Variants in DZIP1L observed in about 807,000 individuals in gnomAD.
DZIP1L encodes DAZ interacting zinc finger protein 1 like.
DZIP1L carries 90 observed loss-of-function variants against 88.7 expected under a neutral mutation model. That is an observed-to-expected ratio of 1.02 (90% CI 0.86 to 1.21). DZIP1L has a LOEUF of 1.21. Among genes scored for constraint, DZIP1L ranks in the 50% most tolerant of loss-of-function variants. DZIP1L has a pLI of 0.00. For synonymous variants in DZIP1L, 363 were observed against 372.1 expected (o/e 0.98, Z 0.28); for missense variants, 932 against 955.8 (o/e 0.98, Z 0.33).
At chr3:138,090,636 G>C (rs1198672925) in intron 5 of DZIP1L, among the ~76,000 whole-genome samples, 1 of 152,036 alleles carries the variant, frequency 6.6e-6, no homozygotes, top group Non-Finnish European at 1.5e-5. Flanking sequence ...TTCCATCTCA[G>C]ACAGGGATGA....
chr3:138,069,128 G>A lies in DZIP1L; in HGVS notation c.1616-761C>T, dbSNP rs1238992031. 13 of 719,174 alleles carry A rather than the reference G, an allele frequency of 1.8e-5. No homozygotes were observed. The East Asian group carries it at 2.8e-4, about 16-fold the overall frequency. 44.5% of individuals were successfully genotyped at this position (719,174 alleles called of 1,614,324 possible). Reference sequence around the variant, plus strand: ...TTCCGACTCTGCCACCCGTGAGACAGCAAGAGCAACCCCTCCTCTTCCTCC... The same window carrying A: ...TTCCGACTCTGCCACCCGTGAGACAACAAGAGCAACCCCTCCTCTTCCTCC... On this transcript the variant is annotated intron_variant, in intron 12 of 15. Transcript: ENST00000327532.
chr3:138,097,089 G>A (rs1161828201), intron 3 of DZIP1L, among the ~76,000 whole-genome samples: 2 of 151,982 alleles, frequency 1.3e-5, no homozygotes, highest in Non-Finnish European at 2.9e-5. Flanking sequence ...GCTGAGGTAC[G>A]GGGATTGCTT....
Position 138,062,749 on chromosome 3 carries a change from C to A in DZIP1L, c.*67G>T. 1 of 1,569,696 alleles carries A rather than the reference C, an allele frequency of 6.4e-7. No individual in the cohort carries two copies. Among genetic ancestry groups the A allele is most frequent in the Admixed American group, 1.7e-5 (1 of 57,654 alleles). ...AAGACAAGAGGCCCAGCAGCCTCTT[C>A]TGTTGAAGTGGACCTGAGCTGGCCC... On this transcript the variant is annotated 3_prime_UTR_variant, in exon 16 of 16. Coordinates refer to ENST00000327532, the MANE Select transcript of DZIP1L (RefSeq NM_173543.3).
At chr3:138,111,056 C>G (rs2042611352) in intron 1 of DZIP1L, among the ~76,000 whole-genome samples, 1 of 152,220 alleles carries the variant, frequency 6.6e-6, no homozygotes, top group Admixed American at 6.5e-5. Context: ...ATGCTTCTGT[C>G]TCCTTCCTCC....
At chr3:138,072,284 C>T (rs1474906161) in intron 11 of DZIP1L, among the ~76,000 whole-genome samples, 1 of 152,174 alleles carries the variant, frequency 6.6e-6, no homozygotes, top group Non-Finnish European at 1.5e-5. Flanking sequence ...AGTACCCTTT[C>T]AAGACCTATT....
intron 1 of DZIP1L, among the ~76,000 whole-genome samples, chr3:138,110,980 G>A (rs771736345): frequency 2.4e-4 from 36 of 152,276 alleles, no homozygotes; most frequent in Non-Finnish European, 4.4e-5. Flanking sequence ...CCCACAGAGC[G>A]GCAAGTGCCA....
chr3:138,062,852 T>C lies in DZIP1L; in HGVS notation c.2268A>G (p.Pro756=), dbSNP rs749471736. Residue 756 remains proline (P), a synonymous_variant, in exon 16 of 16, where the codon CCA becomes CCG. Transcript: ENST00000327532. ...SKLPEKFGTG[P]QSSGQPRVPA... ...GGACCCTGGGTTGGCCAGAGCTCTGTGGACCAGTGCCAAACTTCTCTGGGA... is the reference window on the plus strand; with the variant it reads ...GGACCCTGGGTTGGCCAGAGCTCTGCGGACCAGTGCCAAACTTCTCTGGGA... 15 of 1,614,046 alleles carry C rather than the reference T, an allele frequency of 9.3e-6. No individual in the cohort carries two copies. The Admixed American group carries it at 1.2e-4, about 13-fold the overall frequency.
intron 1 of DZIP1L, among the ~76,000 whole-genome samples, chr3:138,113,162 A>G (rs563055953): frequency 6.3e-4 from 96 of 152,304 alleles, no homozygotes; most frequent in South Asian, 2.9e-3. Context: ...CATCTAGAAT[A>G]TAGAAAACCC....
At chr3:138,068,934 G>A (rs1428977945) in intron 12 of DZIP1L, 13 of 1,248,710 alleles carry the variant, frequency 1.0e-5, no homozygotes, top group Non-Finnish European at 1.3e-5. Flanking sequence ...AGTTTTTATG[G>A]GAAGAGAAGA....
At chr3:138,106,884 G>A (rs1252612167) in intron 1 of DZIP1L, among the ~76,000 whole-genome samples, 1 of 150,036 alleles carries the variant, frequency 6.7e-6, no homozygotes, top group Non-Finnish European at 1.5e-5. Flanking sequence ...GAGAGAGAGA[G>A]AAAGAGAGAG....
intron 1 of DZIP1L, chr3:138,108,320 C>T: frequency 3.0e-6 from 2 of 665,536 alleles, no homozygotes; most frequent in South Asian, 6.7e-5. Flanking sequence ...ACACCTGCTT[C>T]CTGATGTCCC....
chr3:138,064,539 C>T, intron 15 of DZIP1L, 89 bp downstream of exon 15: 2 of 1,613,172 alleles, frequency 1.2e-6, no homozygotes, highest in South Asian at 2.2e-5. Context: ...ACTTGCTGGG[C>T]CCTCCCCAAC....
At chr3:138,087,300 G>A (rs1159016566) in intron 6 of DZIP1L, among the ~76,000 whole-genome samples, 1 of 152,002 alleles carries the variant, frequency 6.6e-6, no homozygotes, top group East Asian at 1.9e-4. Flanking sequence ...ATTGTAGGTG[G>A]GTCAAAGATT....
At chr3:138,067,123 T>G (rs1216942801) in intron 14 of DZIP1L, among the ~76,000 whole-genome samples, 1 of 152,144 alleles carries the variant, frequency 6.6e-6, no homozygotes, top group Non-Finnish European at 1.5e-5. Context: ...AATCCAGCCC[T>G]AACAGGAAGC....
intron 5 of DZIP1L, among the ~76,000 whole-genome samples, chr3:138,091,838 T>A (rs1944250561): frequency 6.6e-6 from 1 of 151,984 alleles, no homozygotes; most frequent in African/African-American, 2.4e-5. Context: ...TTAGTATATA[T>A]AAAGTATACT....
chr3:138,103,878 T>C lies in DZIP1L; in HGVS notation c.94A>G (p.Ser32Gly), dbSNP rs778338143. 6.2e-7 allele frequency: 1 copy of C among 1,614,002 alleles called. No homozygotes were observed. The highest frequency in any genetic ancestry group is 8.5e-7 in the Non-Finnish European group (1 of 1,180,032). Reference protein sequence around the residue: ...PTFKFQPRHDSMDWRRISTLD... With the variant: ...PTFKFQPRHDGMDWRRISTLD... Reference sequence around the variant, plus strand: ...GTGCTAATGCGTCTCCAGTCCATGCTATCATGGCGAGGCTGAAACTTGAAG... The same window carrying C: ...GTGCTAATGCGTCTCCAGTCCATGCCATCATGGCGAGGCTGAAACTTGAAG... Residue 32 changes from serine to glycine, a missense_variant, in exon 2 of 16, where the codon AGC (serine) becomes GGC (glycine). Coordinates refer to ENST00000327532, the MANE Select transcript of DZIP1L (RefSeq NM_173543.3).
rs1239636050 is a variant in DZIP1L at position 138,071,679 on chromosome 3, C to T, written c.1579G>A (p.Gly527Ser). 3.1e-6 allele frequency: 5 copies of T among 1,614,130 alleles called. No homozygotes were observed. The highest frequency in any genetic ancestry group is 4.2e-6 in the Non-Finnish European group (5 of 1,179,964). ...TSRAKERQEN[G>S]AVVSQPDGQP... ...CCGTCTGGCTGGGACACCACAGCGC[C>T]ATTCTCCTGTCTCTCCTTCGCTCTG... is the stretch of plus-strand genomic sequence containing the variant. Residue 527 changes from glycine to serine, a missense_variant, in exon 12 of 16, where the codon GGC becomes AGC. Transcript: ENST00000327532.
At chr3:138,110,668 T>G (rs921030135) in intron 1 of DZIP1L, among the ~76,000 whole-genome samples, 70 of 152,318 alleles carry the variant, frequency 4.6e-4, no homozygotes, top group African/African-American at 1.7e-3. Context: ...GCATCATGAC[T>G]GGCACTCGGG....
chr3:138,105,149 C>G (rs2042445791), intron 1 of DZIP1L, among the ~76,000 whole-genome samples: 1 of 151,742 alleles, frequency 6.6e-6, no homozygotes, highest in Admixed American at 6.6e-5. Context: ...GCATATATAC[C>G]TCTATTTCTG....
Sources: allele counts gnomAD v4.1 joint callset (sites outside exome capture counted in the v4.1 genomes callset), GRCh38; gene constraint gnomAD v4.1.1; transcripts MANE v1.5; gene names NCBI Gene and HGNC (gene_info 2026-07-23, HGNC 2026-07-21).